The following RALGAPA2 variants were observed in gnomAD, a reference collection of about 807,000 sequenced individuals.
The protein encoded by RALGAPA2 is ral GTPase-activating protein subunit alpha-2.
Under a neutral mutation model 230.4 loss-of-function variants are expected in RALGAPA2, and 139 were observed. The ratio of observed to expected loss-of-function variants is 0.60; its 90% CI spans 0.53 to 0.69. The LOEUF is 0.69. RALGAPA2 is among the 30% of genes least tolerant of loss of function. The probability of loss-of-function intolerance (pLI) is 0.00; values close to 1 mark genes in which losing one functional copy is unlikely to be tolerated. For synonymous variants in RALGAPA2, 847 were observed against 837.8 expected (o/e 1.01, Z -0.19); for missense variants, 2,163 against 2,276.0 (o/e 0.95, Z 1.01).
chr20:20,534,318 G>A (rs548875904), intron 26 of RALGAPA2, among the ~76,000 whole-genome samples: 43 of 152,118 alleles, frequency 2.8e-4, no homozygotes, highest in African/African-American at 8.4e-4. Flanking sequence ...GGTGGCAGGC[G>A]CCTGTAGTCC....
chr20:20,463,872 T>C (rs2061357165), intron 37 of RALGAPA2, among the ~76,000 whole-genome samples: 1 of 152,246 alleles, frequency 6.6e-6, no homozygotes, highest in African/African-American at 2.4e-5. Flanking sequence ...CCCTCTTGCA[T>C]GCTTTTGATA....
chr20:20,619,266 C>A lies in RALGAPA2; in HGVS notation c.1539+11G>T. On this transcript the variant is annotated intron_variant, in intron 12 of 39. Coordinates refer to ENST00000202677, the MANE Select transcript of RALGAPA2 (RefSeq NM_020343.4). ...GGTGGAGGGGTCTTCATGTCCTGGC[C>A]AGCCACATACCTGCAACAAAGCCTG... 4 of 1,587,704 alleles carry A rather than the reference C, an allele frequency of 2.5e-6. No individual in the cohort carries two copies. Among genetic ancestry groups the A allele is most frequent in the Non-Finnish European group, 2.6e-6 (3 of 1,163,954 alleles).
chr20:20,481,842 A>T (rs1049990362), intron 36 of RALGAPA2, among the ~76,000 whole-genome samples: 7 of 152,212 alleles, frequency 4.6e-5, no homozygotes, highest in Non-Finnish European at 8.8e-5. Flanking sequence ...TTTGGAGCAC[A>T]AGGGCAGTGT....
chr20:20,410,369 A>T (rs6046837), intron 38 of RALGAPA2, among the ~76,000 whole-genome samples: 94 of 152,356 alleles, frequency 6.2e-4, no homozygotes, highest in African/African-American at 2.1e-3. Context: ...AGGAATGAAA[A>T]CATCTAGTTA....
chr20:20,404,785 A>G (rs2059912799), intron 38 of RALGAPA2, among the ~76,000 whole-genome samples: 1 of 152,210 alleles, frequency 6.6e-6, no homozygotes, highest in Admixed American at 6.5e-5. Context: ...AAAACTCTGT[A>G]AGGACTGGGA....
intron 10 of RALGAPA2, 72 bp downstream of exon 10, chr20:20,629,291 A>C: frequency 7.6e-7 from 1 of 1,321,702 alleles, no homozygotes; most frequent in Non-Finnish European, 1.1e-6. Flanking sequence ...AGAACATGAA[A>C]CAAAATCATT....
At chr20:20,562,836 G>A (rs1334458463) in intron 23 of RALGAPA2, among the ~76,000 whole-genome samples, 1 of 152,044 alleles carries the variant, frequency 6.6e-6, no homozygotes, top group Admixed American at 6.6e-5. Context: ...TGATTCTACA[G>A]CTATAAAAAA....
At position 20,583,000 on chromosome 20, in the gene RALGAPA2, T is replaced by G. The variant is rs775709836; in HGVS notation, c.2707+50A>C. ...ATACAAGACTCCAATGATTCACAAC[T>G]GATCTCCCAGCTGTTTGCATTAGTG... On this transcript the variant is annotated intron_variant, in intron 20 of 39. Transcript: ENST00000202677. 1.3e-5 allele frequency: 21 copies of G among 1,567,506 alleles called. 1 individual carries two copies. The highest frequency in any genetic ancestry group is 8.7e-7 in the Non-Finnish European group (1 of 1,148,336).
intron 3 of RALGAPA2, among the ~76,000 whole-genome samples, chr20:20,675,842 A>G (rs1394229719): frequency 6.6e-6 from 1 of 152,190 alleles, no homozygotes; most frequent in African/African-American, 2.4e-5. Flanking sequence ...GGAAATTTAC[A>G]TAAGACTTAC....
chr20:20,611,223 A>G, intron 14 of RALGAPA2, 92 bp downstream of exon 14: 3 of 1,428,728 alleles, frequency 2.1e-6, no homozygotes, highest in Non-Finnish European at 2.8e-6. Context: ...TAAATTTAAT[A>G]TTATTTTTAA....
intron 34 of RALGAPA2, 61 bp from the exon 35 acceptor site, chr20:20,503,567 C>T: frequency 1.5e-6 from 2 of 1,293,130 alleles, no homozygotes; most frequent in Non-Finnish European, 2.0e-6. Flanking sequence ...TTTCACTAAG[C>T]AGGACTGTGA....
intron 3 of RALGAPA2, among the ~76,000 whole-genome samples, chr20:20,670,093 G>A (rs887657999): frequency 2.6e-5 from 4 of 152,176 alleles, no homozygotes; most frequent in East Asian, 3.8e-4. Flanking sequence ...AGACTCTTCC[G>A]CTCACCACGA....
chr20:20,661,877 T>A (rs1384394228), intron 3 of RALGAPA2, among the ~76,000 whole-genome samples: 5 of 152,172 alleles, frequency 3.3e-5, no homozygotes, highest in Non-Finnish European at 2.9e-5. Context: ...TTCAAATAGG[T>A]TAAATATGTA....
chr20:20,398,716 T>C lies in RALGAPA2; in HGVS notation c.5618-1982A>G, dbSNP rs537783846. The stretch of plus-strand genomic sequence containing the variant: ...GGAGGGACCTGACGTCTGGGGGCGA[T>C]AGGGGAGAGACACAAAGCCTAACTG... On this transcript the variant is annotated intron_variant, in intron 38 of 39. Transcript: ENST00000202677. This position sits in a 1 kb window ranked among gnomAD's most constrained non-coding sequence, Gnocchi z 4.5. Among the ~76,000 whole-genome samples, 3 of 152,042 alleles carry C rather than the reference T, an allele frequency of 2.0e-5. No homozygotes were observed. In the South Asian group the frequency reaches 6.2e-4, roughly 32 times the overall value.
intron 39 of RALGAPA2, 71 bp downstream of exon 39, chr20:20,396,624 C>T: frequency 2.1e-6 from 3 of 1,414,642 alleles, no homozygotes; most frequent in Non-Finnish European, 2.9e-6. Context: ...CCGAGGGCAG[C>T]CGATTAGAAA....
chr20:20,481,157 G>A (rs1028412761), intron 36 of RALGAPA2, among the ~76,000 whole-genome samples: 5 of 152,228 alleles, frequency 3.3e-5, no homozygotes, highest in Non-Finnish European at 5.9e-5. Context: ...AAGTGATAAC[G>A]CTGAAGTCCA....
chr20:20,495,225 G>A lies in RALGAPA2; in HGVS notation c.5259C>T (p.Ser1753=). 1.9e-6 allele frequency: 3 copies of A among 1,609,988 alleles called. No individual in the cohort carries two copies. Among genetic ancestry groups the A allele is most frequent in the Middle Eastern group, 3.3e-4 (2 of 6,032 alleles). Residue 1753 remains serine (S), a synonymous_variant, in exon 36 of 40, where the codon TCC becomes TCT. Transcript: ENST00000202677. ...DEVHIVWSEH[S]RDYRRGIIPT... ...GGATAATACCCCTGCGGTAGTCTCT[G>A]GAGTGTTCAGACCAGACGATATGGA...
intron 23 of RALGAPA2, among the ~76,000 whole-genome samples, chr20:20,554,142 A>G (rs1168868132): frequency 1.3e-5 from 2 of 152,210 alleles, no homozygotes; most frequent in East Asian, 3.9e-4. Flanking sequence ...ACCAAAATGA[A>G]GCAACTATTT....
chr20:20,627,150 G>A (rs1221958147), intron 10 of RALGAPA2, among the ~76,000 whole-genome samples: 2 of 152,176 alleles, frequency 1.3e-5, no homozygotes, highest in African/African-American at 4.8e-5. Context: ...GACACAGAAG[G>A]ATGGGAGCTC....
Sources: allele counts gnomAD v4.1 joint callset (sites outside exome capture counted in the v4.1 genomes callset), GRCh38; gene constraint gnomAD v4.1.1; non-coding constraint Gnocchi (gnomAD v3.1); transcripts MANE v1.5; gene names NCBI Gene and HGNC (gene_info 2026-07-23, HGNC 2026-07-21).